PKP1: variants seen among roughly 807,000 people sequenced by gnomAD.
PKP1 encodes the protein plakophilin 1.
In PKP1, 27 loss-of-function variants were observed where a neutral mutation model predicts 76.4. The ratio of observed to expected loss-of-function variants is 0.35; its 90% confidence interval spans 0.26 to 0.49. The LOEUF (loss-of-function observed/expected upper bound fraction) is 0.49, where lower values mean the gene tolerates loss of function less well. Among genes scored for constraint, PKP1 ranks in the 20% least tolerant of loss-of-function variants. PKP1 has a pLI of 0.99. For synonymous variants in PKP1, 404 were observed against 384.2 expected (o/e 1.05, Z -0.60); for missense variants, 964 against 955.2 (o/e 1.01, Z -0.12).
In PKP1 at chr1:201,325,743, C is replaced by T. The variant is rs898073775; in HGVS notation, c.2022-11C>T. The T allele has an allele frequency of 1.9e-6, 3 of 1,610,046 alleles. No homozygotes were observed. Among genetic ancestry groups the T allele is most frequent in the Non-Finnish European group, 2.6e-6 (3 of 1,176,360 alleles). ...AATCTCATCTCACAAATGCACTTCT[C>T]ACCTGCCCAGTGCCTCACCCAAGGC... On this transcript the variant is annotated splice_polypyrimidine_tract_variant and intron_variant, in intron 11 of 13. Coordinates refer to ENST00000367324, the MANE Select transcript of PKP1 (RefSeq NM_001005337.3).
At chr1:201,319,351 T>C (rs977895703) in intron 6 of PKP1, among the ~76,000 whole-genome samples, 2 of 151,728 alleles carry the variant, frequency 1.3e-5, no homozygotes, top group Non-Finnish European at 2.9e-5. Context: ...TGGGTGGGTG[T>C]GGAGGGGCGG....
At chr1:201,312,104 C>T (rs564099548) in intron 2 of PKP1, among the ~76,000 whole-genome samples, 1 of 152,222 alleles carries the variant, frequency 6.6e-6, no homozygotes, top group Admixed American at 6.5e-5. Context: ...CTGTACCCCA[C>T]CTTGCAGCCC....
intron 11 of PKP1, among the ~76,000 whole-genome samples, 172 bp downstream of exon 11, chr1:201,325,299 G>A (rs1394146772): frequency 2.6e-5 from 4 of 152,196 alleles, no homozygotes; most frequent in East Asian, 3.9e-4. Flanking sequence ...CCGAGAGTGC[G>A]TGGAGAGAAG....
chr1:201,326,053 G>A (rs1036020648), intron 12 of PKP1, among the ~76,000 whole-genome samples: 5 of 152,206 alleles, frequency 3.3e-5, no homozygotes, highest in Admixed American at 6.5e-5. Context: ...TGAGAACATG[G>A]AGGGCAGAGG....
intron 6 of PKP1, 33 bp downstream of exon 6, chr1:201,318,828 C>T (rs1371182995): frequency 6.5e-7 from 1 of 1,547,418 alleles, no homozygotes; most frequent in Non-Finnish European, 8.8e-7. Context: ...GTCTTTTTGT[C>T]CCAGCCTTGG....
In PKP1 at chr1:201,317,706, G is replaced by T; in HGVS notation, c.981G>T (p.Arg327Ser). The change falls in exon 5 of 14, where the codon AGG becomes AGT. Residue 327 changes from arginine to serine, a missense_variant. Arg to Ser is a moderately radical substitution (Grantham distance 110). Coordinates refer to ENST00000367324, the MANE Select transcript of PKP1 (RefSeq NM_001005337.3). ...CCACCAACAAGCTGGAGACCCGGAG[G>T]CAGAATGGGATCCGCGAGGCAGTCA... ...RSTTNKLETR[R>S]QNGIREAVSL... 6.2e-7 allele frequency: 1 copy of T among 1,614,016 alleles called. No homozygotes were observed. Among genetic ancestry groups the T allele is most frequent in the Non-Finnish European group, 8.5e-7 (1 of 1,180,014 alleles).
chr1:201,313,531 G>A lies in PKP1; in HGVS notation c.672G>A (p.Leu224=). ...CGCCCATCTCCTGCAACAAGGACCT[G>A]TCCTTTGGCCACTCTAGGGCCAGCT... is the stretch of plus-strand genomic sequence containing the variant. ...YIPPISCNKD[L]SFGHSRASSK... is the part of the protein sequence containing the mutation. Residue 224 remains leucine, a synonymous_variant, in exon 3 of 14, where the codon CTG becomes CTA. Transcript: ENST00000367324. 6.2e-7 allele frequency: 1 copy of A among 1,613,976 alleles called. No homozygotes were observed. Among genetic ancestry groups the A allele is most frequent in the Non-Finnish European group, 8.5e-7 (1 of 1,179,934 alleles).
At chr1:201,300,815 G>A (rs1406206029) in intron 2 of PKP1, among the ~76,000 whole-genome samples, 2 of 152,224 alleles carry the variant, frequency 1.3e-5, no homozygotes, top group Non-Finnish European at 2.9e-5. Flanking sequence ...CAAGCTCCAG[G>A]TGCAGGAAGT....
At position 201,317,644 on chromosome 1, in the gene PKP1, G is replaced by A. The variant is rs142112484; in HGVS notation, c.919G>A (p.Ala307Thr). Residue 307 changes from alanine to threonine, a missense_variant, in exon 5 of 14, where the codon GCG (alanine) becomes ACG (threonine). By Grantham distance (58) the Ala-to-Thr change is moderately conservative. Coordinates refer to ENST00000367324, the MANE Select transcript of PKP1 (RefSeq NM_001005337.3). ...CCCCAACCAGAACGTCCAGCAGGCC[G>A]CGGCAGGGGCCCTGCGCAACCTGGT... ...RSPNQNVQQA[A>T]AGALRNLVFR... 23 of 1,613,886 alleles carry A rather than the reference G, an allele frequency of 1.4e-5. No individual in the cohort carries two copies. The highest frequency in any genetic ancestry group is 4.0e-5 in the African/African-American group (3 of 74,906).
At chr1:201,297,648 G>A (rs1656113119) in intron 2 of PKP1, among the ~76,000 whole-genome samples, 1 of 152,124 alleles carries the variant, frequency 6.6e-6, no homozygotes, top group Admixed American at 6.5e-5. Flanking sequence ...CCAGACATTT[G>A]CACTTCTTAT....
chr1:201,332,561 A>G lies in PKP1; in HGVS notation c.*2520A>G, dbSNP rs1443225114. On this transcript the variant is annotated 3_prime_UTR_variant, in exon 14 of 14. Transcript: ENST00000367324. ...CTCACACTACCAGGGCCAATGCCCA[A>G]AATAAGGAGTTCCAATTTGGGGCCA... 1 of 152,168 alleles carries G rather than the reference A, an allele frequency of 6.6e-6. No homozygotes were observed. Among genetic ancestry groups the G allele is most frequent in the African/African-American group, 2.4e-5 (1 of 41,428 alleles). The allele number at this position is 152,168 out of a possible 1,614,324, so 9.4% of individuals were successfully genotyped here. A position where few individuals can be genotyped will look rare whatever the true frequency, so the allele number is the denominator to read the frequency against.
intron 9 of PKP1, among the ~76,000 whole-genome samples, 164 bp from the exon 10 acceptor site, chr1:201,324,264 A>G (rs1657035806): frequency 6.6e-6 from 1 of 152,088 alleles, no homozygotes; most frequent in Non-Finnish European, 1.5e-5. Context: ...GGGGAGGTGC[A>G]TGTTAGCCTA....
chr1:201,314,989 A>G (rs978100284), intron 3 of PKP1, among the ~76,000 whole-genome samples: 1 of 152,260 alleles, frequency 6.6e-6, no homozygotes, highest in Admixed American at 6.5e-5. Flanking sequence ...CTGGCTCTCC[A>G]TCCTGTGCTC....
At chr1:201,285,893 T>C (rs1464367983) in intron 1 of PKP1, among the ~76,000 whole-genome samples, 1 of 152,220 alleles carries the variant, frequency 6.6e-6, no homozygotes, top group Non-Finnish European at 1.5e-5. Context: ...TTGATGCTGA[T>C]GGCTACCTCT....
At chr1:201,323,238 A>G (rs1657003809) in intron 9 of PKP1, 49 bp downstream of exon 9, 2 of 1,567,080 alleles carry the variant, frequency 1.3e-6, no homozygotes, top group Non-Finnish European at 1.8e-6. Context: ...TCCTCCAGCC[A>G]CCGTCCAGCC....
intron 7 of PKP1, among the ~76,000 whole-genome samples, chr1:201,320,848 G>A (rs1400656390): frequency 1.3e-5 from 2 of 152,150 alleles, no homozygotes. Context: ...GGTGCCCCCA[G>A]GGCTTAGTGT....
chr1:201,287,275 T>C (rs975386853), intron 1 of PKP1, among the ~76,000 whole-genome samples: 4 of 152,200 alleles, frequency 2.6e-5, no homozygotes, highest in Non-Finnish European at 5.9e-5. Flanking sequence ...TTCCTGTGTC[T>C]ATTCAGCCCT....
intron 8 of PKP1, 110 bp from the exon 9 acceptor site, chr1:201,322,903 C>T (rs747122029): frequency 6.0e-6 from 7 of 1,162,680 alleles, no homozygotes; most frequent in Non-Finnish European, 8.7e-6. Flanking sequence ...CCTCAGCTTG[C>T]CCTATCTGGA....
intron 2 of PKP1, among the ~76,000 whole-genome samples, chr1:201,294,378 C>A (rs1225613075): frequency 1.3e-5 from 2 of 152,150 alleles, no homozygotes; most frequent in African/African-American, 4.8e-5. Context: ...TATTAATGGA[C>A]CAGTTTAGAT....
Sources: allele counts gnomAD v4.1 joint callset (sites outside exome capture counted in the v4.1 genomes callset), GRCh38; gene constraint gnomAD v4.1.1; transcripts MANE v1.5; gene names NCBI Gene and HGNC (gene_info 2026-07-23, HGNC 2026-07-21).